SUFU: variants seen among roughly 807,000 people sequenced by gnomAD.
SUFU encodes suppressor of fused homolog.
SUFU carries 7 observed loss-of-function variants against 58.9 expected under a neutral mutation model. The observed-to-expected ratio is 0.12, with a 90% CI of 0.07 to 0.22. The LOEUF (loss-of-function observed/expected upper bound fraction) is 0.22. Among genes scored for constraint, SUFU ranks in the 10% least tolerant of loss-of-function variants. SUFU has a pLI of 1.00. For synonymous variants in SUFU, 232 were observed against 254.8 expected (o/e 0.91, Z 0.85); for missense variants, 451 against 641.3 (o/e 0.70, Z 3.20).
chr10:102,503,021 G>A (rs528363290), upstream of SUFU, among the ~76,000 whole-genome samples: 139 of 152,282 alleles, frequency 9.1e-4, no homozygotes, highest in Non-Finnish European at 1.6e-3. Flanking sequence ...TCTGTAGTTC[G>A]GTTTGGATTG....
rs760470575 is a variant in SUFU at position 102,509,318 on chromosome 10, C to T, written c.317+15C>T. 6.2e-7 allele frequency: 1 copy of T among 1,613,680 alleles called. No homozygotes were observed. Among genetic ancestry groups the T allele is most frequent in the Non-Finnish European group, 8.5e-7 (1 of 1,180,014 alleles). On this transcript the variant is annotated intron_variant, in intron 2 of 11. Coordinates refer to ENST00000369902, the MANE Select transcript of SUFU (RefSeq NM_016169.4). Reference sequence around the variant, plus strand: ...AGAGTCCATGAGTGAGTATATGCCACCTGTTCTTTATCCAGAGCCTTATTC... The same window carrying T: ...AGAGTCCATGAGTGAGTATATGCCATCTGTTCTTTATCCAGAGCCTTATTC...
chr10:102,563,438 G>T (rs1342296845), intron 3 of SUFU, among the ~76,000 whole-genome samples: 1 of 152,194 alleles, frequency 6.6e-6, no homozygotes, highest in South Asian at 2.1e-4. Flanking sequence ...GAATAGGAAA[G>T]TGCTGGGCTT....
intron 2 of SUFU, among the ~76,000 whole-genome samples, chr10:102,544,780 C>G (rs1185981074): frequency 6.6e-6 from 1 of 152,168 alleles, no homozygotes; most frequent in Non-Finnish European, 1.5e-5. Flanking sequence ...CCATTCTGTC[C>G]TCACCCTAGT....
At chr10:102,503,275 A>G (rs1359297298), upstream of SUFU, among the ~76,000 whole-genome samples, 3 of 152,202 alleles carry the variant, frequency 2.0e-5, no homozygotes, top group East Asian at 1.9e-4. Context: ...AAACCTGTAC[A>G]TTGTCGTTGC....
intron 3 of SUFU, among the ~76,000 whole-genome samples, chr10:102,580,645 G>T (rs1360119572): frequency 1.3e-5 from 2 of 152,102 alleles, no homozygotes; most frequent in Non-Finnish European, 2.9e-5. Flanking sequence ...TTGGTGGGTG[G>T]GTACTGTTAG....
At chr10:102,516,125 CTTTTTTTTT>C (rs60544094) in intron 2 of SUFU, among the ~76,000 whole-genome samples, 2 of 125,580 alleles carry the variant, frequency 1.6e-5, no homozygotes, top group East Asian at 2.2e-4. Context: ...TCTTTCTTTT[CTTTTTTTTT>C]TTTTTTTTTG....
chr10:102,551,609 GC>G (rs2062916106), intron 3 of SUFU, among the ~76,000 whole-genome samples: 1 of 149,296 alleles, frequency 6.7e-6, no homozygotes, highest in Non-Finnish European at 1.5e-5. Flanking sequence ...CTGTACTCCA[GC>G]CTGGGCAACA....
chr10:102,604,313 C>A (rs1247503265), intron 8 of SUFU, among the ~76,000 whole-genome samples: 1 of 152,244 alleles, frequency 6.6e-6, no homozygotes, highest in Non-Finnish European at 1.5e-5. Context: ...TGCCAAGTGC[C>A]TTTACAGGCC....
rs1590096845 is a variant in SUFU, at chr10:102,632,027, G to A, written c.*1872G>A. The A allele has an allele frequency of 4.3e-6, 1 of 233,342 alleles. No homozygotes were observed. Among genetic ancestry groups the A allele is most frequent in the Non-Finnish European group, 8.5e-6 (1 of 118,150 alleles). The allele number at this position is 233,342 out of a possible 1,614,324, so 14.5% of individuals were successfully genotyped here. A position where few individuals can be genotyped will look rare whatever the true frequency, so the allele number is the denominator to read the frequency against. On this transcript the variant is annotated 3_prime_UTR_variant, in exon 12 of 12. Transcript: ENST00000369902. ...TTTCTGACATTTCACAGGCAGAGAG[G>A]TGCCATCAGTTCGCCTCCATTCCTT...
chr10:102,520,212 C>CTTTT (rs36020604), intron 2 of SUFU, among the ~76,000 whole-genome samples: 299 of 113,500 alleles, frequency 2.6e-3, no homozygotes, highest in East Asian at 5.4e-3. Context: ...TTTTTTCTTT[C>CTTTT]TTTTTTTTTT....
chr10:102,599,389 G>T (rs754842119), intron 7 of SUFU, 44 bp from the exon 8 acceptor site: 1 of 1,466,108 alleles, frequency 6.8e-7, no homozygotes, highest in Admixed American at 1.7e-5. Flanking sequence ...GAGAATTGCT[G>T]GGAGCCCACT....
At chr10:102,560,042 C>G (rs1272703919) in intron 3 of SUFU, among the ~76,000 whole-genome samples, 1 of 152,142 alleles carries the variant, frequency 6.6e-6, no homozygotes, top group African/African-American at 2.4e-5. Context: ...CATGGCTGAT[C>G]CAACCCTGTG....
chr10:102,549,076 AC>A (rs2062882637), intron 2 of SUFU, among the ~76,000 whole-genome samples: 2 of 152,034 alleles, frequency 1.3e-5, no homozygotes, highest in Non-Finnish European at 2.9e-5. Flanking sequence ...CTGCCTTAGG[AC>A]CTGTCCACAA....
chr10:102,621,328 C>A (rs367928964), intron 10 of SUFU, among the ~76,000 whole-genome samples: 2 of 152,170 alleles, frequency 1.3e-5, no homozygotes, highest in Non-Finnish European at 2.9e-5. Context: ...CCCAGCAATG[C>A]GCCTGGGGAA....
intron 3 of SUFU, among the ~76,000 whole-genome samples, chr10:102,588,010 T>C (rs960907558): frequency 6.6e-5 from 10 of 152,220 alleles, no homozygotes; most frequent in Admixed American, 2.6e-4. Context: ...GCTCCAACTT[T>C]ATCCTTTTGC....
intron 2 of SUFU, among the ~76,000 whole-genome samples, chr10:102,541,615 T>G (rs1465856087): frequency 6.6e-6 from 1 of 150,518 alleles, no homozygotes; most frequent in African/African-American, 2.4e-5. Context: ...GCCAGGCTGG[T>G]CTCCAACTCC....
At chr10:102,595,940 C>T (rs972983518) in intron 6 of SUFU, among the ~76,000 whole-genome samples, 2 of 152,138 alleles carry the variant, frequency 1.3e-5, no homozygotes, top group African/African-American at 4.8e-5. Flanking sequence ...AACTCTTTAC[C>T]TAAGTGAGGG....
In SUFU at chr10:102,509,390, A is replaced by C. The variant is rs1436858644; in HGVS notation, c.317+87A>C. Reference sequence around the variant, plus strand: ...GTGACAATGTCATAGTGCTGTGAGCATGGTACTTCTCCGTGGAACCTCTGC... The same window carrying C: ...GTGACAATGTCATAGTGCTGTGAGCCTGGTACTTCTCCGTGGAACCTCTGC... On this transcript the variant is annotated intron_variant, in intron 2 of 11. Transcript: ENST00000369902. 9 of 1,566,320 alleles carry C rather than the reference A, an allele frequency of 5.7e-6. No individual in the cohort carries two copies. The Admixed American group carries it at 1.5e-4, about 26-fold the overall frequency.
At position 102,625,284 on chromosome 10, in the gene SUFU, G is replaced by A. The variant is rs532677181; in HGVS notation, c.1297-1891G>A. Among the ~76,000 whole-genome samples, 48 of 152,288 alleles carry A rather than the reference G, an allele frequency of 3.2e-4. No individual in the cohort carries two copies. The South Asian group carries it at 7.5e-3, about 24-fold the overall frequency. ...AAGAACTGTAGGGGTGCACCTCCCC[G>A]AACTTTGCCAACTTTGCCTCTCCTG... On this transcript the variant is annotated intron_variant, in intron 10 of 11. Coordinates refer to ENST00000369902, the MANE Select transcript of SUFU (RefSeq NM_016169.4). The surrounding 1 kb of genome is among the most constrained non-coding windows in gnomAD (Gnocchi z 4.7).
Sources: gnomAD v4.1 joint callset for allele counts (sites outside exome capture counted in the v4.1 genomes callset) on GRCh38, gnomAD v4.1.1 for gene constraint, Gnocchi (gnomAD v3.1) non-coding constraint, MANE v1.5 for transcripts, NCBI Gene and HGNC (gene_info 2026-07-23, HGNC 2026-07-21) for gene names.